Variants in EFCAB11 observed in about 807,000 individuals in gnomAD.
EFCAB11 encodes the protein EF-hand calcium binding domain 11.
A neutral mutation model predicts 23.0 loss-of-function variants in EFCAB11; 14 were observed. The observed-to-expected ratio is 0.61, with a 90% CI of 0.40 to 0.95. The LOEUF is 0.95. EFCAB11 is among the 40% of genes least tolerant of loss of function. The probability of loss-of-function intolerance (pLI) is 0.00; values close to 1 mark genes in which losing one functional copy is unlikely to be tolerated. For synonymous variants in EFCAB11, 65 were observed against 66.6 expected (o/e 0.98, Z 0.11); for missense variants, 198 against 195.8 (o/e 1.01, Z -0.07).
At chr14:89,875,142 C>A (rs181294015) in intron 5 of EFCAB11, among the ~76,000 whole-genome samples, 1 of 152,156 alleles carries the variant, frequency 6.6e-6, no homozygotes, top group Non-Finnish European at 1.5e-5. Flanking sequence ...GCTGACTGCT[C>A]GGGGTTCGCG....
chr14:89,822,839 G>C (rs1886569795), intron 5 of EFCAB11, among the ~76,000 whole-genome samples: 1 of 152,186 alleles, frequency 6.6e-6, no homozygotes, highest in African/African-American at 2.4e-5. Flanking sequence ...CGGAGTAAAA[G>C]CTATTCTAGA....
At chr14:89,865,419 T>A (rs1301102482) in intron 5 of EFCAB11, among the ~76,000 whole-genome samples, 1 of 151,940 alleles carries the variant, frequency 6.6e-6, no homozygotes, top group African/African-American at 2.4e-5. Flanking sequence ...GACATATGAG[T>A]CCTGGGCGTC....
At chr14:89,819,569 A>G (rs1186838278) in intron 5 of EFCAB11, among the ~76,000 whole-genome samples, 1 of 151,994 alleles carries the variant, frequency 6.6e-6, no homozygotes, top group East Asian at 1.9e-4. Flanking sequence ...ACAGGGGACT[A>G]CAGGGACATG....
chr14:89,858,834 A>G (rs1234864434), intron 5 of EFCAB11, among the ~76,000 whole-genome samples: 1 of 152,128 alleles, frequency 6.6e-6, no homozygotes, highest in East Asian at 1.9e-4. Context: ...TTAAAAAACA[A>G]TTATCTTAAT....
chr14:89,928,754 A>G (rs1890278660), intron 5 of EFCAB11, among the ~76,000 whole-genome samples: 1 of 147,554 alleles, frequency 6.8e-6, no homozygotes, highest in Non-Finnish European at 1.5e-5. Flanking sequence ...TATATTAATT[A>G]TATAATTATA....
At chr14:89,871,802 C>A (rs1040430825) in intron 5 of EFCAB11, among the ~76,000 whole-genome samples, 1 of 152,222 alleles carries the variant, frequency 6.6e-6, no homozygotes, top group African/African-American at 2.4e-5. Context: ...TTTCCCATGT[C>A]ACTGCTAATG....
chr14:89,802,285 A>T (rs1267023271), intron 5 of EFCAB11, among the ~76,000 whole-genome samples: 7 of 152,052 alleles, frequency 4.6e-5, no homozygotes, highest in African/African-American at 1.7e-4. Flanking sequence ...TTTTCTATTA[A>T]AATGACATAA....
At chr14:89,872,488 A>C (rs1048691176) in intron 5 of EFCAB11, among the ~76,000 whole-genome samples, 1 of 152,170 alleles carries the variant, frequency 6.6e-6, no homozygotes, top group Admixed American at 6.5e-5. Context: ...CTGCTATTTG[A>C]ATTCAGAATA....
intron 5 of EFCAB11, among the ~76,000 whole-genome samples, chr14:89,857,864 T>A (rs1887803040): frequency 6.6e-6 from 1 of 152,196 alleles, no homozygotes; most frequent in Admixed American, 6.5e-5. Context: ...TATCTCATTA[T>A]CTTATACAAG....
At chr14:89,868,042 G>A (rs753787134) in intron 5 of EFCAB11, among the ~76,000 whole-genome samples, 15 of 152,218 alleles carry the variant, frequency 9.9e-5, no homozygotes, top group Admixed American at 6.5e-5. Flanking sequence ...ACATTGTTGG[G>A]CGCCACATTC....
chr14:89,911,339 G>C (rs924875129), intron 5 of EFCAB11, among the ~76,000 whole-genome samples: 1 of 152,172 alleles, frequency 6.6e-6, no homozygotes, highest in Non-Finnish European at 1.5e-5. Context: ...TTCCAGAAAG[G>C]CTGAAGGAAT....
intron 5 of EFCAB11, among the ~76,000 whole-genome samples, chr14:89,898,500 A>G (rs983999067): frequency 6.6e-6 from 1 of 151,748 alleles, no homozygotes; most frequent in Non-Finnish European, 1.5e-5. Context: ...GAGTGGCTGG[A>G]ACTATAGGCC....
intron 3 of EFCAB11, among the ~76,000 whole-genome samples, chr14:89,944,223 G>A (rs1249701349): frequency 6.6e-6 from 1 of 152,234 alleles, no homozygotes; most frequent in Non-Finnish European, 1.5e-5. Context: ...AGCAAGTCAT[G>A]TCTTACATGA....
Position 89,954,404 on chromosome 14 carries a change from T to C in EFCAB11, c.75+182A>G, listed in dbSNP as rs554176720. On this transcript the variant is annotated intron_variant, in intron 1 of 5. Transcript: ENST00000316738. ...AGGAGATGGAACTTGGAGGTAGCCG[T>C]AGTCCTGGACGGGGAGCCAGGAGCC... is the stretch of plus-strand genomic sequence containing the variant. 7.2e-6 allele frequency: 11 copies of C among 1,536,482 alleles called. No homozygotes were observed. The East Asian group carries it at 2.7e-4, about 38-fold the overall frequency.
At chr14:89,840,621 G>C (rs1370772514) in intron 5 of EFCAB11, among the ~76,000 whole-genome samples, 1 of 152,134 alleles carries the variant, frequency 6.6e-6, no homozygotes, top group Admixed American at 6.5e-5. Flanking sequence ...CCATTCATCT[G>C]CTTTTTTTCA....
intron 5 of EFCAB11, among the ~76,000 whole-genome samples, chr14:89,857,511 CTT>C (rs67661065): frequency 1.5e-4 from 23 of 151,740 alleles, no homozygotes; most frequent in Non-Finnish European, 4.4e-5. Flanking sequence ...CCTGGTCTTT[CTT>C]TTTTTTCTGA....
At position 89,891,430 on chromosome 14, in the gene EFCAB11, G is replaced by A. The variant is rs1888959707; in HGVS notation, c.410+40111C>T. Among the ~76,000 whole-genome samples, 4 of 152,152 alleles carry A rather than the reference G, an allele frequency of 2.6e-5. No homozygotes were observed. In the South Asian group the frequency reaches 8.3e-4, roughly 31 times the overall value. On this transcript the variant is annotated intron_variant, in intron 5 of 5. Transcript: ENST00000316738. ...TTTAATTCATTAAAATTACTTAAGAGTTTGAGATATTATGGTAGAAATCAG... is the reference window on the plus strand; with the variant it reads ...TTTAATTCATTAAAATTACTTAAGAATTTGAGATATTATGGTAGAAATCAG...
At chr14:89,954,400 G>A (rs1410158257) in intron 1 of EFCAB11, 186 bp downstream of exon 1, 1 of 1,536,288 alleles carries the variant, frequency 6.5e-7, no homozygotes, top group Non-Finnish European at 8.7e-7. Context: ...CTTGGAGGTA[G>A]CCGTAGTCCT....
At chr14:89,874,667 G>A (rs1195347055) in intron 5 of EFCAB11, among the ~76,000 whole-genome samples, 1 of 152,150 alleles carries the variant, frequency 6.6e-6, no homozygotes, top group Non-Finnish European at 1.5e-5. Flanking sequence ...GGAGGCCAAG[G>A]TGGGTGGATC....
Sources: gnomAD v4.1 joint callset for allele counts (sites outside exome capture counted in the v4.1 genomes callset) on GRCh38, gnomAD v4.1.1 for gene constraint, MANE v1.5 for transcripts, NCBI Gene and HGNC (gene_info 2026-07-23, HGNC 2026-07-21) for gene names.